PPFIA2: variants seen among roughly 807,000 people sequenced by gnomAD.
PPFIA2 encodes the protein liprin-alpha-2.
In PPFIA2, 46 loss-of-function variants were observed where a neutral mutation model predicts 175.5. That is an observed-to-expected ratio of 0.26 (90% CI 0.21 to 0.34). The LOEUF (loss-of-function observed/expected upper bound fraction) is 0.34, where lower values mean the gene tolerates loss of function less well. PPFIA2 is among the 10% of genes least tolerant of loss of function. The probability of loss-of-function intolerance (pLI) is 1.00; values close to 1 mark genes in which losing one functional copy is unlikely to be tolerated. For missense variants in PPFIA2, 1,179 were observed against 1,506.1 expected (o/e 0.78, Z 3.60); for synonymous variants, 568 against 511.4 (o/e 1.11, Z -1.49).
At chr12:81,690,620 A>G (rs986358826) in intron 3 of PPFIA2, among the ~76,000 whole-genome samples, 12 of 152,098 alleles carry the variant, frequency 7.9e-5, no homozygotes, top group Non-Finnish European at 1.2e-4. Context: ...AACGTGGCCC[A>G]TGGGTAAACT....
chr12:81,648,494 G>T (rs1002594067), intron 4 of PPFIA2, among the ~76,000 whole-genome samples: 11 of 151,612 alleles, frequency 7.3e-5, no homozygotes, highest in Non-Finnish European at 1.6e-4. Context: ...AATTTTAAAA[G>T]ACCTAAATAA....
chr12:81,581,863 C>T (rs1410111601), intron 4 of PPFIA2, among the ~76,000 whole-genome samples: 3 of 151,842 alleles, frequency 2.0e-5, no homozygotes, highest in South Asian at 2.1e-4. Context: ...CTGCAAGCCT[C>T]AACTGAATGG....
intron 3 of PPFIA2, among the ~76,000 whole-genome samples, chr12:81,746,342 A>G (rs2083065112): frequency 6.9e-6 from 1 of 144,300 alleles, no homozygotes; most frequent in South Asian, 2.3e-4. Flanking sequence ...AGGGGATAAG[A>G]TTCATTTATC....
intron 3 of PPFIA2, among the ~76,000 whole-genome samples, chr12:81,729,552 C>T (rs1230731282): frequency 6.6e-6 from 1 of 151,426 alleles, no homozygotes; most frequent in Admixed American, 6.6e-5. Flanking sequence ...AACAGAACAG[C>T]CCCCCAAGGA....
At chr12:81,286,166 T>C (rs1302290055) in intron 24 of PPFIA2, among the ~76,000 whole-genome samples, 2 of 152,078 alleles carry the variant, frequency 1.3e-5, no homozygotes, top group African/African-American at 4.8e-5. Context: ...AGCTGTACAA[T>C]GTATTTGTGT....
chr12:81,572,169 T>G (rs1400042834), intron 4 of PPFIA2, among the ~76,000 whole-genome samples: 3 of 151,966 alleles, frequency 2.0e-5, no homozygotes, highest in Non-Finnish European at 4.4e-5. Flanking sequence ...TGCTGCTCCT[T>G]GTCTAGAGCA....
chr12:81,641,008 T>C (rs1318217208), intron 4 of PPFIA2, among the ~76,000 whole-genome samples: 4 of 152,124 alleles, frequency 2.6e-5, no homozygotes, highest in Admixed American at 6.6e-5. Context: ...ATTTATAGGA[T>C]ACATGTGGTA....
At chr12:81,578,177 G>A (rs954835243) in intron 4 of PPFIA2, among the ~76,000 whole-genome samples, 4 of 151,586 alleles carry the variant, frequency 2.6e-5, no homozygotes, top group African/African-American at 9.7e-5. Flanking sequence ...AAGAGAGGTA[G>A]GTAGAAGCTG....
intron 4 of PPFIA2, among the ~76,000 whole-genome samples, chr12:81,559,901 T>C (rs963536254): frequency 3.9e-5 from 6 of 152,054 alleles, no homozygotes; most frequent in African/African-American, 1.4e-4. Context: ...TAACATCCTA[T>C]CTCAGTGGAC....
At chr12:81,664,410 A>C (rs1170123069) in intron 4 of PPFIA2, among the ~76,000 whole-genome samples, 2 of 152,166 alleles carry the variant, frequency 1.3e-5, no homozygotes, top group Non-Finnish European at 2.9e-5. Flanking sequence ...AAAAGAAGAC[A>C]TTTATGCAGC....
intron 3 of PPFIA2, among the ~76,000 whole-genome samples, chr12:81,745,103 C>G (rs980662647): frequency 6.6e-6 from 1 of 152,134 alleles, no homozygotes; most frequent in African/African-American, 2.4e-5. Context: ...TTCAGACAGC[C>G]GTCCTAGCTT....
chr12:81,436,378 T>C (rs1356392175), intron 7 of PPFIA2, among the ~76,000 whole-genome samples: 1 of 146,696 alleles, frequency 6.8e-6, no homozygotes, highest in Admixed American at 6.9e-5. Context: ...CTTGCTCATT[T>C]AGTCATACGC....
chr12:81,459,029 G>A (rs2054070876), intron 4 of PPFIA2, among the ~76,000 whole-genome samples: 2 of 152,162 alleles, frequency 1.3e-5, no homozygotes, highest in South Asian at 4.2e-4. Flanking sequence ...GGAAGGTTTG[G>A]AGTTTATATT....
At chr12:81,264,599 G>A (rs897528067) in intron 30 of PPFIA2, among the ~76,000 whole-genome samples, 1 of 152,106 alleles carries the variant, frequency 6.6e-6, no homozygotes, top group Non-Finnish European at 1.5e-5. Context: ...ATGTTATAGT[G>A]AATAATTCTA....
intron 3 of PPFIA2, among the ~76,000 whole-genome samples, chr12:81,695,766 T>G (rs572836885): frequency 6.6e-6 from 1 of 152,312 alleles, no homozygotes; most frequent in East Asian, 1.9e-4. Flanking sequence ...ACTTTTCTGC[T>G]CAAATGATCA....
rs904949221 is a variant in PPFIA2, at chr12:81,637,523, C to T, written c.303+39268G>A. ...CAAGGTATGGCCATCTCTACCCCTACCTCCCCTCACATGGAATCATTTCAT... is the reference window on the plus strand; with the variant it reads ...CAAGGTATGGCCATCTCTACCCCTATCTCCCCTCACATGGAATCATTTCAT... On this transcript the variant is annotated intron_variant, in intron 4 of 32. Transcript: ENST00000549396. Among the ~76,000 whole-genome samples the T allele has an allele frequency of 2.6e-5, 4 of 152,018 alleles. No individual in the cohort carries two copies. The East Asian group carries it at 7.7e-4, about 29-fold the overall frequency.
intron 8 of PPFIA2, among the ~76,000 whole-genome samples, chr12:81,398,013 C>T (rs2041459395): frequency 6.6e-6 from 1 of 151,896 alleles, no homozygotes; most frequent in East Asian, 1.9e-4. Flanking sequence ...ACTGATTCTA[C>T]ATTATGGTGA....
At chr12:81,350,157 G>A (rs1437921875) in intron 17 of PPFIA2, among the ~76,000 whole-genome samples, 1 of 151,426 alleles carries the variant, frequency 6.6e-6, no homozygotes, top group Admixed American at 6.6e-5. Context: ...TCTCTTTGGT[G>A]CAAATAAATA....
chr12:81,346,799 T>G (rs534508409), intron 18 of PPFIA2, among the ~76,000 whole-genome samples: 2 of 152,010 alleles, frequency 1.3e-5, no homozygotes, highest in African/African-American at 2.4e-5. Context: ...ATTGAAGCAA[T>G]TATAATACTA....
Sources: allele counts gnomAD v4.1 joint callset (sites outside exome capture counted in the v4.1 genomes callset), GRCh38; gene constraint gnomAD v4.1.1; transcripts MANE v1.5; gene names NCBI Gene and HGNC (gene_info 2026-07-23, HGNC 2026-07-21).